Variants in RPTOR observed in about 807,000 individuals in gnomAD.
RPTOR encodes the protein regulatory associated protein of MTOR complex 1.
A neutral mutation model predicts 169.9 loss-of-function variants in RPTOR; 21 were observed. The observed-to-expected ratio is 0.12, with a 90% confidence interval of 0.09 to 0.18. The LOEUF (loss-of-function observed/expected upper bound fraction) is 0.18, where lower values mean the gene tolerates loss of function less well. Among genes scored for constraint, RPTOR ranks in the 10% least tolerant of loss-of-function variants. The probability of loss-of-function intolerance (pLI) is 1.00; values close to 1 mark genes in which losing one functional copy is unlikely to be tolerated. For synonymous variants in RPTOR, 732 were observed against 753.2 expected, an observed-to-expected ratio of 0.97 and a Z score of 0.46; for missense variants, 1,133 against 1,855.9, an observed-to-expected ratio of 0.61 and a Z score of 7.16.
At chr17:80,722,055 A>G (rs2066291062) in intron 4 of RPTOR, among the ~76,000 whole-genome samples, 1 of 151,058 alleles carries the variant, frequency 6.6e-6, no homozygotes, top group Non-Finnish European at 1.5e-5. Context: ...TAATTTTAAA[A>G]TATTTTATTA....
intron 1 of RPTOR, among the ~76,000 whole-genome samples, chr17:80,582,071 C>T (rs959374103): frequency 2.0e-5 from 3 of 152,188 alleles, no homozygotes; most frequent in Non-Finnish European, 1.5e-5. Flanking sequence ...GGGCCAGCTG[C>T]AAGTGGACAC....
intron 3 of RPTOR, among the ~76,000 whole-genome samples, chr17:80,652,927 A>G (rs2065651957): frequency 6.6e-6 from 1 of 152,142 alleles, no homozygotes; most frequent in Non-Finnish European, 1.5e-5. Flanking sequence ...CATTGTTATT[A>G]TTATGATAGT....
At chr17:80,724,493 G>A (rs2066313543) in intron 4 of RPTOR, among the ~76,000 whole-genome samples, 1 of 145,396 alleles carries the variant, frequency 6.9e-6, no homozygotes, top group Non-Finnish European at 1.5e-5. Flanking sequence ...ATCAGGTTTG[G>A]GTAAGGCCAC....
intron 3 of RPTOR, among the ~76,000 whole-genome samples, chr17:80,650,372 C>T (rs138452961): frequency 2.0e-5 from 3 of 152,348 alleles, no homozygotes; most frequent in East Asian, 1.9e-4. Flanking sequence ...TGGAGTCCGC[C>T]TCCTCCCTTC....
At chr17:80,595,863 A>G (rs1332397097) in intron 1 of RPTOR, among the ~76,000 whole-genome samples, 1 of 152,070 alleles carries the variant, frequency 6.6e-6, no homozygotes, top group Admixed American at 6.6e-5. Flanking sequence ...GATTCTTCTT[A>G]TAGGAGTCTT....
At chr17:80,872,461 C>T (rs1015491891) in intron 13 of RPTOR, among the ~76,000 whole-genome samples, 1 of 152,194 alleles carries the variant, frequency 6.6e-6, no homozygotes, top group Non-Finnish European at 1.5e-5. Flanking sequence ...GGCCACCCAG[C>T]TGTCCCAGCA....
chr17:80,570,302 G>A (rs1388378273), intron 1 of RPTOR, among the ~76,000 whole-genome samples: 1 of 152,092 alleles, frequency 6.6e-6, no homozygotes, highest in African/African-American at 2.4e-5. Context: ...GGGAGGGCTA[G>A]GCTGTTCCTA....
At chr17:80,948,783 G>GGT in intron 27 of RPTOR, 1 of 152,546 alleles carries the variant, frequency 6.6e-6, no homozygotes, top group Non-Finnish European at 1.5e-5. Context: ...AAGGCTCAGA[G>GGT]TGCCCGCATG....
At chr17:80,836,127 G>A (rs893080062) in intron 9 of RPTOR, among the ~76,000 whole-genome samples, 2 of 152,054 alleles carry the variant, frequency 1.3e-5, no homozygotes, top group Non-Finnish European at 2.9e-5. Flanking sequence ...CCTCCCACAC[G>A]GGCTCCCTGG....
At position 80,609,713 on chromosome 17, in the gene RPTOR, C is replaced by G. The variant is rs1426586820; in HGVS notation, c.163-15978C>G. ...TGAGCTGAGATTGCACTGCTGCACT[C>G]CAGCCTGGGCGACAGAGCGAGATTC... On this transcript the variant is annotated intron_variant, in intron 1 of 33. Transcript: ENST00000306801. The surrounding 1 kb of genome is among the most constrained non-coding windows in gnomAD (Gnocchi z 4.8). Among the ~76,000 whole-genome samples the G allele has an allele frequency of 6.6e-6, 1 of 151,710 alleles. No individual in the cohort carries two copies. Among genetic ancestry groups the G allele is most frequent in the Non-Finnish European group, 1.5e-5 (1 of 67,942 alleles).
intron 21 of RPTOR, 37 bp downstream of exon 21, chr17:80,908,966 T>C (rs1399909658): frequency 6.9e-7 from 1 of 1,444,906 alleles, no homozygotes; most frequent in Admixed American, 1.7e-5. Context: ...CTCCAGCTGC[T>C]GGTTCTCGGT....
intron 1 of RPTOR, among the ~76,000 whole-genome samples, chr17:80,590,303 C>T (rs11654005): frequency 0.31 from 43,486 of 138,576 alleles, 6,268 homozygotes; most frequent in Middle Eastern, 0.45. Context: ...ATGGTTGGGC[C>T]GTGTGTTAGC....
intron 1 of RPTOR, among the ~76,000 whole-genome samples, chr17:80,594,254 C>T (rs902757306): frequency 7.2e-5 from 11 of 152,114 alleles, no homozygotes; most frequent in East Asian, 1.9e-4. Flanking sequence ...CCACCATGCC[C>T]GGCTAATTTT....
rs138189806 is a variant in RPTOR at position 80,675,572 on chromosome 17, C to T, written c.348+31762C>T. ...GGGATGCCCTCCCTCAGACACCATG[C>T]CAGCACGGGCCTTGGGCGTTGCCTC... is the stretch of plus-strand genomic sequence containing the variant. On this transcript the variant is annotated intron_variant, in intron 3 of 33. Coordinates refer to ENST00000306801, the MANE Select transcript of RPTOR (RefSeq NM_020761.3). Among the ~76,000 whole-genome samples, 1,112 of 152,372 alleles carry T rather than the reference C, an allele frequency of 7.3e-3. 14 individuals are homozygous for T. The highest frequency in any genetic ancestry group is 0.026 in the African/African-American group (1,066 of 41,590).
chr17:80,710,376 G>A (rs1224962408), intron 4 of RPTOR, among the ~76,000 whole-genome samples: 2 of 152,092 alleles, frequency 1.3e-5, no homozygotes, highest in Admixed American at 6.5e-5. Flanking sequence ...ACTGGGTGGG[G>A]AGCGGGGAGG....
At chr17:80,595,557 G>A (rs2065138846) in intron 1 of RPTOR, among the ~76,000 whole-genome samples, 1 of 152,208 alleles carries the variant, frequency 6.6e-6, no homozygotes, top group African/African-American at 2.4e-5. Context: ...CTGGGCTCAG[G>A]TGATCCTCCC....
intron 2 of RPTOR, among the ~76,000 whole-genome samples, chr17:80,639,486 C>T (rs2065535198): frequency 6.6e-6 from 1 of 152,022 alleles, no homozygotes; most frequent in African/African-American, 2.4e-5. Context: ...ACCATTGGCC[C>T]AGAAGTCTTA....
At chr17:80,900,872 G>A (rs7226292) in intron 20 of RPTOR, among the ~76,000 whole-genome samples, 110,442 of 152,250 alleles carry the variant, frequency 0.73, 40,481 homozygotes, top group Admixed American at 0.78. Flanking sequence ...GTGTGGCGCT[G>A]GGTCACCATG....
intron 4 of RPTOR, chr17:80,709,146 G>T: frequency 2.1e-6 from 2 of 930,454 alleles, no homozygotes; most frequent in Non-Finnish European, 2.6e-6. Flanking sequence ...CAGGGCACAG[G>T]GCAGTGCCAT....
Sources: allele counts gnomAD v4.1 joint callset (sites outside exome capture counted in the v4.1 genomes callset), GRCh38; gene constraint gnomAD v4.1.1; non-coding constraint Gnocchi (gnomAD v3.1); transcripts MANE v1.5; gene names NCBI Gene and HGNC (gene_info 2026-07-23, HGNC 2026-07-21).